Variants in TENM3 observed in about 807,000 individuals in gnomAD.
TENM3 encodes teneurin transmembrane protein 3, also known as teneurin-3.
A neutral mutation model predicts 255.1 loss-of-function variants in TENM3; 63 were observed. That is an observed-to-expected ratio of 0.25 (90% CI 0.20 to 0.30). The LOEUF is 0.30. TENM3 is among the 10% of genes least tolerant of loss of function. The pLI is 1.00. For synonymous variants in TENM3, 1,306 were observed against 1,322.3 expected (o/e 0.99, Z 0.27); for missense variants, 2,929 against 3,461.1 (o/e 0.85, Z 3.86).
At chr4:181,893,978 A>G in the TENM3 span, among the ~76,000 whole-genome samples, 5 of 152,210 alleles carry the variant, frequency 3.3e-5, no homozygotes, top group African/African-American at 1.2e-4. Flanking sequence ...TGTGTTTTAT[A>G]TGTAGGAGGG....
chr4:182,533,068 C>T (rs913680948), intron 3 of TENM3, among the ~76,000 whole-genome samples: 2 of 152,186 alleles, frequency 1.3e-5, no homozygotes, highest in Non-Finnish European at 2.9e-5. Flanking sequence ...TGCTTGAGCA[C>T]TAAAGAGAGT....
At chr4:181,617,995 G>A in the TENM3 span, among the ~76,000 whole-genome samples, 4 of 152,170 alleles carry the variant, frequency 2.6e-5, no homozygotes, top group African/African-American at 9.7e-5. Flanking sequence ...TGAACTTGAA[G>A]TTCTATATCT....
chr4:181,721,932 G>C, the TENM3 span, among the ~76,000 whole-genome samples: 1 of 152,118 alleles, frequency 6.6e-6, no homozygotes, highest in African/African-American at 2.4e-5. Context: ...GTGCCCGTGG[G>C]AGATGCATGT....
At chr4:182,115,078 G>A in the TENM3 span, among the ~76,000 whole-genome samples, 2 of 152,146 alleles carry the variant, frequency 1.3e-5, no homozygotes, top group African/African-American at 4.8e-5. Flanking sequence ...CTACTCAGGA[G>A]GCTGAGGCAG....
At chr4:181,547,258 G>T in the TENM3 span, among the ~76,000 whole-genome samples, 3 of 152,030 alleles carry the variant, frequency 2.0e-5, no homozygotes, top group East Asian at 1.9e-4. Context: ...TAGAGAGAAA[G>T]AAATGACTCA....
chr4:181,928,574 C>T, the TENM3 span, among the ~76,000 whole-genome samples: 2 of 151,636 alleles, frequency 1.3e-5, no homozygotes, highest in South Asian at 4.2e-4. Context: ...CTGAAAGTGA[C>T]GGGAAGAATG....
At chr4:182,191,124 A>G (rs137857359) in intron 1 of TENM3, among the ~76,000 whole-genome samples, 8 of 152,340 alleles carry the variant, frequency 5.3e-5, no homozygotes, top group African/African-American at 1.4e-4. Flanking sequence ...TTAGAGTATT[A>G]TTAAACTTGG....
At chr4:182,265,015 C>T (rs1270112233) in intron 1 of TENM3, among the ~76,000 whole-genome samples, 1 of 151,228 alleles carries the variant, frequency 6.6e-6, no homozygotes, top group Non-Finnish European at 1.5e-5. Context: ...CCTAAGATAA[C>T]TTCTGGTAGC....
chr4:182,364,372 TA>T (rs1162586872), intron 3 of TENM3, among the ~76,000 whole-genome samples: 1 of 152,286 alleles, frequency 6.6e-6, no homozygotes, highest in South Asian at 2.1e-4. Flanking sequence ...TGTATATTTT[TA>T]AAAAAATAAA....
chr4:182,753,434 C>A lies in TENM3; in HGVS notation c.3863-16C>A. On this transcript the variant is annotated splice_polypyrimidine_tract_variant and intron_variant, in intron 20 of 27. Transcript: ENST00000511685. ...ATTTTTGAAAAATTAGTAATACTTG[C>A]TTCTCTCAAATACAGGAATGGCAGT... The A allele has an allele frequency of 6.2e-7, 1 of 1,605,062 alleles. No individual in the cohort carries two copies. The highest frequency in any genetic ancestry group is 8.5e-7 in the Non-Finnish European group (1 of 1,174,118).
At chr4:182,119,583 C>T in the TENM3 span, among the ~76,000 whole-genome samples, 405 of 152,228 alleles carry the variant, frequency 2.7e-3, 2 homozygotes, top group African/African-American at 9.3e-3. Context: ...TGTGACCTCC[C>T]TTCTTTGAGG....
At chr4:182,175,230 A>G (rs1752384946) in intron 1 of TENM3, among the ~76,000 whole-genome samples, 1 of 151,272 alleles carries the variant, frequency 6.6e-6, no homozygotes, top group East Asian at 1.9e-4. Flanking sequence ...GTTCTGTTGA[A>G]TGAGTGATAC....
intron 3 of TENM3, among the ~76,000 whole-genome samples, chr4:182,512,339 A>G (rs138217644): frequency 1.3e-5 from 2 of 152,174 alleles, no homozygotes; most frequent in Non-Finnish European, 2.9e-5. Flanking sequence ...TGACAGAGTC[A>G]CCAGATGGGA....
chr4:182,751,985 G>A lies in TENM3; in HGVS notation c.3815G>A (p.Cys1272Tyr). The change falls in exon 20 of 28, where the codon TGT becomes TAT. Residue 1272 changes from cysteine (C) to tyrosine (Y), a missense_variant. Cys to Tyr is a radical substitution (Grantham distance 194). Transcript: ENST00000511685. ...TGCCTTCCGTTTGACGAGGCGAGAT[G>A]TGGGGATGGAGGGAAGGCCGTGGAA... ...EQCLPFDEAR[C>Y]GDGGKAVEAT... 6.2e-7 allele frequency: 1 copy of A among 1,613,348 alleles called. No individual in the cohort carries two copies. The highest frequency in any genetic ancestry group is 8.5e-7 in the Non-Finnish European group (1 of 1,179,744).
chr4:181,448,997 A>G, the TENM3 span, among the ~76,000 whole-genome samples: 1 of 152,336 alleles, frequency 6.6e-6, no homozygotes, highest in South Asian at 2.1e-4. Context: ...AAATACCAGC[A>G]TATGATACTG....
intron 4 of TENM3, among the ~76,000 whole-genome samples, chr4:182,620,841 G>T (rs146909221): frequency 3.9e-5 from 6 of 152,268 alleles, no homozygotes; most frequent in African/African-American, 1.4e-4. Flanking sequence ...CATTCCTCCT[G>T]CCTCACCCTC....
At chr4:182,463,693 G>A (rs1314578196) in intron 3 of TENM3, among the ~76,000 whole-genome samples, 1 of 151,292 alleles carries the variant, frequency 6.6e-6, no homozygotes. Context: ...GCGCAATCTC[G>A]GCTCACCGCA....
intron 1 of TENM3, among the ~76,000 whole-genome samples, chr4:182,211,170 C>A (rs907568240): frequency 6.6e-6 from 1 of 152,212 alleles, no homozygotes; most frequent in Non-Finnish European, 1.5e-5. Flanking sequence ...AGGAAAGAAC[C>A]AGGATTGTTT....
At chr4:182,525,902 T>G (rs1253413825) in intron 3 of TENM3, among the ~76,000 whole-genome samples, 2 of 152,238 alleles carry the variant, frequency 1.3e-5, no homozygotes, top group Non-Finnish European at 2.9e-5. Flanking sequence ...AACTCATTAC[T>G]GATTTAGATT....
Sources: gnomAD v4.1 joint callset for allele counts (sites outside exome capture counted in the v4.1 genomes callset) on GRCh38, gnomAD v4.1.1 for gene constraint, MANE v1.5 for transcripts, NCBI Gene and HGNC (gene_info 2026-07-23, HGNC 2026-07-21) for gene names.